Variants in OSBPL3 observed in about 807,000 individuals in gnomAD.
OSBPL3 encodes oxysterol binding protein like 3.
Under a neutral mutation model 120.1 loss-of-function variants are expected in OSBPL3, and 65 were observed. The ratio of observed to expected loss-of-function variants is 0.54; its 90% confidence interval spans 0.44 to 0.67. OSBPL3 has a LOEUF of 0.67. Among genes scored for constraint, OSBPL3 ranks in the 30% least tolerant of loss-of-function variants. The probability of loss-of-function intolerance (pLI) is 0.00; values close to 1 mark genes in which losing one functional copy is unlikely to be tolerated. For synonymous variants in OSBPL3, 416 were observed against 402.6 expected (o/e 1.03, Z -0.40); for missense variants, 1,004 against 1,082.1 (o/e 0.93, Z 1.01).
In OSBPL3 at chr7:24,834,800, C is replaced by T. The variant is rs1796807525; in HGVS notation, c.1496-64G>A. On this transcript the variant is annotated intron_variant, in intron 14 of 22. Transcript: ENST00000313367. This position sits in a 1 kb window ranked among gnomAD's most constrained non-coding sequence, Gnocchi z 5.2. ...TTCATTTTATTCTATTATTTTTAAT[C>T]CACGAATAAAACCTTACGTAGCAAG... The T allele has an allele frequency of 7.1e-7, 1 of 1,415,636 alleles. No individual in the cohort carries two copies. Among genetic ancestry groups the T allele is most frequent in the African/African-American group, 1.4e-5 (1 of 69,646 alleles). The allele number at this position is 1,415,636 out of a possible 1,614,324, so 87.7% of individuals were successfully genotyped here.
chr7:24,927,201 C>T (rs993846671), intron 1 of OSBPL3, among the ~76,000 whole-genome samples: 1 of 152,128 alleles, frequency 6.6e-6, no homozygotes, highest in Non-Finnish European at 1.5e-5. Flanking sequence ...TGAAAGAAAA[C>T]CCAAAAGAAA....
chr7:24,904,633 T>C lies in OSBPL3; in HGVS notation c.-149-12012A>G, dbSNP rs377389729. On this transcript the variant is annotated intron_variant, in intron 1 of 22. Transcript: ENST00000313367. ...TGGCGATCACCGAACCAGTACCCCA[T>C]ACAGCTGTACATACAACAGAGTATT... 9.9e-5 allele frequency among the ~76,000 whole-genome samples: 15 copies of C among 152,206 alleles called. 1 individual carries two copies. Among genetic ancestry groups the C allele is most frequent in the Admixed American group, 3.9e-4 (6 of 15,282 alleles).
Position 24,815,101 on chromosome 7 carries a change from G to GT in OSBPL3, c.2129dup (p.Asn710LysfsTer4). 2 of 1,613,346 alleles carry GT rather than the reference G, an allele frequency of 1.2e-6. No individual in the cohort carries two copies. The highest frequency in any genetic ancestry group is 2.2e-5 in the South Asian group (2 of 91,062). ...TGCAGTAGCAGGAATCATCATGCAG[G>GT]TTCTTGATGACAATCTCTCCATAGT... On this transcript the variant is annotated frameshift_variant, in exon 19 of 23. Transcript: ENST00000313367. LOFTEE classifies it high-confidence loss of function. The surrounding 1 kb of genome is among the most constrained non-coding windows in gnomAD (Gnocchi z 5.1).
rs1811985742 is a variant in OSBPL3, at chr7:24,933,093, C to T, written c.-149-40472G>A. On this transcript the variant is annotated intron_variant, in intron 1 of 22. Transcript: ENST00000313367. The surrounding 1 kb of genome is among the most constrained non-coding windows in gnomAD (Gnocchi z 5.1). ...TAGTTTAATAAGGCCAGCAGTGATT[C>T]AGAGAGTAATAACAGGCCACGCACG... is the stretch of plus-strand genomic sequence containing the variant. Among the ~76,000 whole-genome samples, 1 of 152,232 alleles carries T rather than the reference C, an allele frequency of 6.6e-6. No homozygotes were observed. The highest frequency in any genetic ancestry group is 1.5e-5 in the Non-Finnish European group (1 of 68,038).
intron 1 of OSBPL3, among the ~76,000 whole-genome samples, chr7:24,956,448 CTGCCCATTCCA>C (rs1815061640): frequency 6.6e-6 from 1 of 152,232 alleles, no homozygotes; most frequent in Non-Finnish European, 1.5e-5. Context: ...TATGTCCCAC[CTGCCCATTCCA>C]TGTATTTGTT....
At position 24,820,772 on chromosome 7, in the gene OSBPL3, A is replaced by G. The variant is rs1368098082; in HGVS notation, c.1885-534T>C. 6.6e-6 allele frequency among the ~76,000 whole-genome samples: 1 copy of G among 152,054 alleles called. No homozygotes were observed. Among genetic ancestry groups the G allele is most frequent in the African/African-American group, 2.4e-5 (1 of 41,358 alleles). On this transcript the variant is annotated intron_variant, in intron 16 of 22. Transcript: ENST00000313367. The surrounding 1 kb of genome is among the most constrained non-coding windows in gnomAD (Gnocchi z 4.6). ...CCAGCCTCTTTTCAAATCACCTACA[A>G]GAAGACCAATGCAAGGTAATTTTTT...
At position 24,804,369 on chromosome 7, in the gene OSBPL3, T is replaced by C. The variant is rs1467723155; in HGVS notation, c.2513A>G (p.Glu838Gly). 1 of 1,613,978 alleles carries C rather than the reference T, an allele frequency of 6.2e-7. No homozygotes were observed. Among genetic ancestry groups the C allele is most frequent in the Non-Finnish European group, 8.5e-7 (1 of 1,179,984 alleles). The change falls in exon 22 of 23, where the codon GAA becomes GGA. Residue 838 changes from glutamate (E) to glycine (G), a missense_variant. Physicochemically the swap from Glu to Gly is moderately conservative, Grantham distance 98. This residue lies in a region of OSBPL3 where 473 missense variants were observed against 568.0 expected (regional missense o/e 0.83). Transcript: ENST00000313367. The surrounding 1 kb of genome is among the most constrained non-coding windows in gnomAD (Gnocchi z 5.4). Reference sequence around the variant, plus strand: ...ATTTTCTTCTAAGACCCGCCGCCTTTCTCTCTGCAGTTGTTCAATCCTCTG... The same window carrying C: ...ATTTTCTTCTAAGACCCGCCGCCTTCCTCTCTGCAGTTGTTCAATCCTCTG... ...QKQRIEQLQR[E>G]RRRVLEENHV...
intron 1 of OSBPL3, among the ~76,000 whole-genome samples, chr7:24,956,898 C>G (rs1026617917): frequency 1.3e-5 from 2 of 151,900 alleles, no homozygotes; most frequent in African/African-American, 4.8e-5. Context: ...TCTCTTTGTT[C>G]TACTGAATTT....
intron 1 of OSBPL3, among the ~76,000 whole-genome samples, chr7:24,931,945 C>T (rs1239146466): frequency 6.6e-6 from 1 of 152,162 alleles, no homozygotes; most frequent in African/African-American, 2.4e-5. Flanking sequence ...AAAACCTGGG[C>T]TCTCATCCTC....
chr7:24,905,325 T>C (rs773070365), intron 1 of OSBPL3, among the ~76,000 whole-genome samples: 3 of 151,938 alleles, frequency 2.0e-5, no homozygotes, highest in Non-Finnish European at 4.4e-5. Flanking sequence ...TGCACCCAGC[T>C]CTGCTAAATG....
intron 1 of OSBPL3, among the ~76,000 whole-genome samples, chr7:24,945,412 G>T (rs1813605527): frequency 1.3e-5 from 2 of 152,104 alleles, no homozygotes; most frequent in Non-Finnish European, 2.9e-5. Context: ...TATTATTCTA[G>T]GAATTGGAGA....
chr7:24,809,963 A>G lies in OSBPL3; in HGVS notation c.2173-12T>C, dbSNP rs372740941. ...CTCCAGTATTTTGCCTAGGATTCAA[A>G]TGAGTTGTTGGCTTAGTCCTTTAGC... is the stretch of plus-strand genomic sequence containing the variant. On this transcript the variant is annotated splice_polypyrimidine_tract_variant and intron_variant, in intron 19 of 22. Coordinates refer to ENST00000313367, the MANE Select transcript of OSBPL3 (RefSeq NM_015550.4). 2 of 1,614,076 alleles carry G rather than the reference A, an allele frequency of 1.2e-6. No homozygotes were observed. The highest frequency in any genetic ancestry group is 2.2e-5 in the South Asian group (2 of 91,074).
At chr7:24,800,384 T>G (rs910267791) in intron 22 of OSBPL3, 105 bp from the exon 23 acceptor site, 3 of 659,934 alleles carry the variant, frequency 4.5e-6, no homozygotes, top group Non-Finnish European at 8.4e-6. Flanking sequence ...CATTCCCACA[T>G]GCATTCAGCG....
At chr7:24,829,072 G>A (rs770126820) in intron 16 of OSBPL3, among the ~76,000 whole-genome samples, 1 of 152,160 alleles carries the variant, frequency 6.6e-6, no homozygotes, top group Non-Finnish European at 1.5e-5. Flanking sequence ...AGGGCTCAGA[G>A]GACTGAAGCT....
chr7:24,857,677 T>G lies in OSBPL3; in HGVS notation c.1027+3936A>C, dbSNP rs539386513. 5.6e-4 allele frequency among the ~76,000 whole-genome samples: 85 copies of G among 152,318 alleles called. 5 individuals carry two copies. The South Asian group carries it at 0.014, about 25-fold the overall frequency. On this transcript the variant is annotated intron_variant, in intron 10 of 22. Coordinates refer to ENST00000313367, the MANE Select transcript of OSBPL3 (RefSeq NM_015550.4). ...CCAAAAAGGCTTATTATTTACAATGTTTTTTAAAGTATGTTTCTCAGAAAC... is the reference window on the plus strand; with the variant it reads ...CCAAAAAGGCTTATTATTTACAATGGTTTTTAAAGTATGTTTCTCAGAAAC...
chr7:24,893,609 C>T (rs867225952), intron 1 of OSBPL3, among the ~76,000 whole-genome samples: 6 of 152,048 alleles, frequency 3.9e-5, no homozygotes, highest in Admixed American at 2.0e-4. Context: ...GTCAGGATTT[C>T]GAAACCAGCC....
chr7:24,928,365 G>A (rs564648187), intron 1 of OSBPL3, among the ~76,000 whole-genome samples: 31 of 151,896 alleles, frequency 2.0e-4, no homozygotes, highest in Non-Finnish European at 4.4e-4. Flanking sequence ...CTACTTTTTT[G>A]TCTTTTTAGT....
rs552549343 is a variant in OSBPL3, at chr7:24,922,541, T to C, written c.-149-29920A>G. Among the ~76,000 whole-genome samples, 3 of 152,344 alleles carry C rather than the reference T, an allele frequency of 2.0e-5. No individual in the cohort carries two copies. Among genetic ancestry groups the C allele is most frequent in the Non-Finnish European group, 4.4e-5 (3 of 68,024 alleles). On this transcript the variant is annotated intron_variant, in intron 1 of 22. Transcript: ENST00000313367. The surrounding 1 kb of genome is among the most constrained non-coding windows in gnomAD (Gnocchi z 4.3). ...TAAATACATAAAATGCACTATGTGA[T>C]TCATCATTACAGTAAACCCCAAGGG...
rs1272988652 is a variant in OSBPL3, at chr7:24,813,127, C to T, written c.2172+1932G>A. ...TTTCAGGCCTCAAGTGAGCCTCCTG[C>T]TTCAGCCTCCCAAAGTGCTGGGATT... is the stretch of plus-strand genomic sequence containing the variant. On this transcript the variant is annotated intron_variant, in intron 19 of 22. Transcript: ENST00000313367. The surrounding 1 kb of genome is among the most constrained non-coding windows in gnomAD (Gnocchi z 4.5). Among the ~76,000 whole-genome samples the T allele has an allele frequency of 2.0e-5, 3 of 152,196 alleles. No individual in the cohort carries two copies. The highest frequency in any genetic ancestry group is 4.1e-4 in the South Asian group (2 of 4,828).
Sources: gnomAD v4.1 joint callset for allele counts (sites outside exome capture counted in the v4.1 genomes callset) on GRCh38, gnomAD v4.1.1 for gene constraint, gnomAD v4.1.1 regional missense constraint, Gnocchi (gnomAD v3.1) non-coding constraint, MANE v1.5 for transcripts, NCBI Gene and HGNC (gene_info 2026-07-23, HGNC 2026-07-21) for gene names.